The following ZNF354C variants were observed in gnomAD, a reference collection of about 807,000 sequenced individuals.
ZNF354C encodes the protein zinc finger protein 354C, also known as KRAB-zinc finger protein synten.
ZNF354C carries 7 observed loss-of-function variants against 12.4 expected under a neutral mutation model. That is an observed-to-expected ratio of 0.56 (90% confidence interval 0.32 to 1.06). The LOEUF (loss-of-function observed/expected upper bound fraction) is 1.06, where lower values mean the gene tolerates loss of function less well. Among genes scored for constraint, ZNF354C ranks in the 50% least tolerant of loss-of-function variants. The probability of loss-of-function intolerance (pLI) is 0.04; values close to 1 mark genes in which losing one functional copy is unlikely to be tolerated. For synonymous variants in ZNF354C, 202 were observed against 224.5 expected, an observed-to-expected ratio of 0.90 and a Z score of 0.90; for missense variants, 609 against 658.0, an observed-to-expected ratio of 0.93 and a Z score of 0.81.
chr5:179,076,236 G>A (rs892612886), intron 2 of ZNF354C, among the ~76,000 whole-genome samples: 19 of 152,170 alleles, frequency 1.2e-4, no homozygotes, highest in African/African-American at 4.3e-4. Flanking sequence ...TACTCCCACT[G>A]CACGTGGCAT....
Position 179,079,366 on chromosome 5 carries a change from T to C in ZNF354C, c.934T>C (p.Cys312Arg), listed in dbSNP as rs748960133. The C allele has an allele frequency of 1.2e-6, 2 of 1,613,944 alleles. No individual in the cohort carries two copies. The highest frequency in any genetic ancestry group is 2.2e-5 in the East Asian group (1 of 44,832). ...CRECGKAFSQ[C>R]STLTVHQRIH... Reference sequence around the variant, plus strand: ...GGAATGTGGTAAAGCCTTTAGCCAGTGTTCAACCCTCACTGTACATCAGAG... The same window carrying C: ...GGAATGTGGTAAAGCCTTTAGCCAGCGTTCAACCCTCACTGTACATCAGAG... The change falls in exon 5 of 5, where the codon TGT becomes CGT. Residue 312 changes from cysteine to arginine, a missense_variant. By Grantham distance (180) the Cys-to-Arg change is radical. Transcript: ENST00000315475. This position sits in a 1 kb window ranked among gnomAD's most constrained non-coding sequence, Gnocchi z 4.2.
In ZNF354C at chr5:179,079,472, A is replaced by C; in HGVS notation, c.1040A>C (p.Gln347Pro). ...FNCRAKLHRHQRIHTGEKPYK... is the reference protein window; with the variant it reads ...FNCRAKLHRHPRIHTGEKPYK... ...TGTAGAGCAAAACTTCACAGGCATCAAAGAATCCATACAGGTGAGAAACCC... is the reference window on the plus strand; with the variant it reads ...TGTAGAGCAAAACTTCACAGGCATCCAAGAATCCATACAGGTGAGAAACCC... The change falls in exon 5 of 5, where the codon CAA becomes CCA. Residue 347 changes from glutamine (Q) to proline (P), a missense_variant. Coordinates refer to ENST00000315475, the MANE Select transcript of ZNF354C (RefSeq NM_014594.3). This position sits in a 1 kb window ranked among gnomAD's most constrained non-coding sequence, Gnocchi z 4.2. 1 of 1,614,162 alleles carries C rather than the reference A, an allele frequency of 6.2e-7. No homozygotes were observed. The highest frequency in any genetic ancestry group is 8.5e-7 in the Non-Finnish European group (1 of 1,180,022).
chr5:179,069,574 A>G (rs561514062), intron 2 of ZNF354C, among the ~76,000 whole-genome samples: 1 of 149,942 alleles, frequency 6.7e-6, no homozygotes, highest in South Asian at 2.1e-4. Flanking sequence ...AAAAAAAAAA[A>G]AAAAAGAAAG....
At chr5:179,076,845 A>AC (rs1266823563) in intron 3 of ZNF354C, among the ~76,000 whole-genome samples, 1 of 151,642 alleles carries the variant, frequency 6.6e-6, no homozygotes, top group Non-Finnish European at 1.5e-5. Context: ...ACACATAGGG[A>AC]CCCCCCATCT....
chr5:179,074,665 G>C (rs1762094603), intron 2 of ZNF354C, among the ~76,000 whole-genome samples: 1 of 152,126 alleles, frequency 6.6e-6, no homozygotes, highest in Non-Finnish European at 1.5e-5. Flanking sequence ...TGGCTTTCTA[G>C]TGCTTCCCTG....
chr5:179,073,610 A>T (rs1762076951), intron 2 of ZNF354C, among the ~76,000 whole-genome samples: 2 of 149,728 alleles, frequency 1.3e-5, no homozygotes, highest in South Asian at 2.2e-4. Flanking sequence ...TATTTTTTTG[A>T]CTCTTGGCCA....
chr5:179,079,268 A>T lies in ZNF354C; in HGVS notation c.836A>T (p.Lys279Met). The T allele has an allele frequency of 6.2e-7, 1 of 1,614,190 alleles. No individual in the cohort carries two copies. Among genetic ancestry groups the T allele is most frequent in the Non-Finnish European group, 8.5e-7 (1 of 1,180,034 alleles). ...EKPYKCNECE[K>M]AFSNSSTLIK... ...CCTTACAAGTGTAATGAATGTGAGA[A>T]GGCATTTAGCAACAGTTCAACCCTT... Residue 279 changes from lysine (K) to methionine (M), a missense_variant, in exon 5 of 5, where the codon AAG (lysine) becomes ATG (methionine). Coordinates refer to ENST00000315475, the MANE Select transcript of ZNF354C (RefSeq NM_014594.3). The surrounding 1 kb of genome is among the most constrained non-coding windows in gnomAD (Gnocchi z 4.2).
Position 179,080,125 on chromosome 5 carries a change from T to C in ZNF354C, c.*28T>C, listed in dbSNP as rs529600464. ...CATCTCTCAAATAATCCAAGACTTC[T>C]CACTGGGGAATAAGGGAATAATAAA... On this transcript the variant is annotated 3_prime_UTR_variant, in exon 5 of 5. Transcript: ENST00000315475. 6.8e-7 allele frequency: 1 copy of C among 1,463,274 alleles called. No individual in the cohort carries two copies. Among genetic ancestry groups the C allele is most frequent in the East Asian group, 2.3e-5 (1 of 43,882 alleles). 90.6% of individuals were successfully genotyped at this position (1,463,274 alleles called of 1,614,324 possible).
chr5:179,069,715 A>T (rs562818565), intron 2 of ZNF354C, among the ~76,000 whole-genome samples: 97 of 150,646 alleles, frequency 6.4e-4, no homozygotes, highest in African/African-American at 2.3e-3. Flanking sequence ...AAATACAAAA[A>T]ATTAGCCGGG....
chr5:179,065,046 T>C (rs7731215), intron 2 of ZNF354C, among the ~76,000 whole-genome samples: 2,447 of 152,278 alleles, frequency 0.016, 68 homozygotes, highest in African/African-American at 0.055. Flanking sequence ...TTTTTTGATA[T>C]TGTCAGTATT....
At chr5:179,061,307 C>G (rs1292799125) in intron 1 of ZNF354C, among the ~76,000 whole-genome samples, 1 of 152,152 alleles carries the variant, frequency 6.6e-6, no homozygotes, top group African/African-American at 2.4e-5. Flanking sequence ...ACGGTTTCCA[C>G]CTCTCCCACC....
In ZNF354C at chr5:179,079,665, T is replaced by C; in HGVS notation, c.1233T>C (p.Pro411=). The C allele has an allele frequency of 3.7e-6, 6 of 1,614,146 alleles. No individual in the cohort carries two copies. The highest frequency in any genetic ancestry group is 5.1e-6 in the Non-Finnish European group (6 of 1,180,024). ...AGCGAATTCACACTGGACAAAAACC[T>C]TATCAGTGCAACGAATGTGAGAAAG... ...EHQRIHTGQK[P]YQCNECEKAF... Residue 411 remains proline, a synonymous_variant, in exon 5 of 5, where the codon CCT becomes CCC. Coordinates refer to ENST00000315475, the MANE Select transcript of ZNF354C (RefSeq NM_014594.3). This position sits in a 1 kb window ranked among gnomAD's most constrained non-coding sequence, Gnocchi z 4.2.
intron 2 of ZNF354C, among the ~76,000 whole-genome samples, chr5:179,075,279 T>A (rs59190346): frequency 0.01 from 1,333 of 127,138 alleles, 22 homozygotes; most frequent in African/African-American, 0.037. Flanking sequence ...AAAAAAAAAA[T>A]AAGCTGGTGG....
Position 179,079,647 on chromosome 5 carries a change from T to C in ZNF354C, c.1215T>C (p.Ile405=). ...TAACCCTTATCGAACATCAGCGAATTCACACTGGACAAAAACCTTATCAGT... is the reference window on the plus strand; with the variant it reads ...TAACCCTTATCGAACATCAGCGAATCCACACTGGACAAAAACCTTATCAGT... ...RIVTLIEHQR[I]HTGQKPYQCN... The change falls in exon 5 of 5, where the codon ATT becomes ATC. Residue 405 remains isoleucine, a synonymous_variant. Transcript: ENST00000315475. The surrounding 1 kb of genome is among the most constrained non-coding windows in gnomAD (Gnocchi z 4.2). 1.9e-6 allele frequency: 3 copies of C among 1,614,176 alleles called. No homozygotes were observed. In the Admixed American group the frequency reaches 5.0e-5, roughly 27 times the overall value.
chr5:179,077,707 CCT>C lies in ZNF354C; in HGVS notation c.250+544_250+545del, dbSNP rs546604872. ...ACAGGGGTGATTTACTCCATGTTTT[CCT>C]CTTTTTTATAATGAGCATCTTAAAC... On this transcript the variant is annotated intron_variant, in intron 4 of 4. Transcript: ENST00000315475. Among the ~76,000 whole-genome samples, 88 of 152,076 alleles carry C rather than the reference CCT, an allele frequency of 5.8e-4. 1 individual carries two copies. Among genetic ancestry groups the C allele is most frequent in the Non-Finnish European group, 1.5e-4 (10 of 68,010 alleles).
intron 2 of ZNF354C, 32 bp from the exon 3 acceptor site, chr5:179,076,413 C>G: frequency 6.2e-7 from 1 of 1,613,782 alleles, no homozygotes; most frequent in South Asian, 1.1e-5. Flanking sequence ...GAAGATGGTC[C>G]TGGGTGAGCA....
Position 179,079,218 on chromosome 5 carries a change from T to A in ZNF354C, c.786T>A (p.His262Gln). Residue 262 changes from histidine to glutamine, a missense_variant, in exon 5 of 5, where the codon CAT (histidine) becomes CAA (glutamine). Coordinates refer to ENST00000315475, the MANE Select transcript of ZNF354C (RefSeq NM_014594.3). This position sits in a 1 kb window ranked among gnomAD's most constrained non-coding sequence, Gnocchi z 4.2. ...GCCACAGATCATCCCTTCTTTCTCA[T>A]CAGAGAATTCATACTGGAGAGAAAC... ...TFSHRSSLLS[H>Q]QRIHTGEKPY... 1.2e-6 allele frequency: 2 copies of A among 1,614,030 alleles called. No individual in the cohort carries two copies. Among genetic ancestry groups the A allele is most frequent in the Non-Finnish European group, 1.7e-6 (2 of 1,179,992 alleles).
intron 2 of ZNF354C, among the ~76,000 whole-genome samples, chr5:179,071,392 T>G (rs574825259): frequency 6.6e-5 from 10 of 151,920 alleles, no homozygotes; most frequent in Non-Finnish European, 1.5e-4. Context: ...TTTTTTACTT[T>G]TTAAAATATA....
At chr5:179,067,885 C>T (rs890093171) in intron 2 of ZNF354C, among the ~76,000 whole-genome samples, 13 of 151,746 alleles carry the variant, frequency 8.6e-5, no homozygotes, top group African/African-American at 2.9e-4. Context: ...TGAGGCTGGA[C>T]ATAGTGGCTC....
Sources: allele counts gnomAD v4.1 joint callset (sites outside exome capture counted in the v4.1 genomes callset), GRCh38; gene constraint gnomAD v4.1.1; non-coding constraint Gnocchi (gnomAD v3.1); transcripts MANE v1.5; gene names NCBI Gene and HGNC (gene_info 2026-07-23, HGNC 2026-07-21).